The following NOL4 variants were observed in gnomAD, a reference collection of about 807,000 sequenced individuals.
NOL4 encodes the protein nucleolar protein 4.
A neutral mutation model predicts 75.9 loss-of-function variants in NOL4; 17 were observed. That is an observed-to-expected ratio of 0.22 (90% CI 0.15 to 0.34). The LOEUF (loss-of-function observed/expected upper bound fraction) is 0.34, where lower values mean the gene tolerates loss of function less well. Ranked by LOEUF, NOL4 falls within the 10% of genes least tolerant of loss-of-function variation. The pLI, the probability that NOL4 is intolerant of heterozygous loss-of-function variation, is 1.00. For synonymous variants in NOL4, 292 were observed against 289.9 expected (o/e 1.01, Z -0.07); for missense variants, 614 against 793.5 (o/e 0.77, Z 2.72).
intron 6 of NOL4, 110 bp from the exon 7 acceptor site, chr18:33,958,528 A>G (rs1159870024): frequency 2.3e-6 from 2 of 885,220 alleles, no homozygotes. Context: ...TTATGAGTTG[A>G]TAACTCTAGA....
chr18:33,922,879 C>G (rs1291608248), intron 9 of NOL4, among the ~76,000 whole-genome samples: 1 of 152,080 alleles, frequency 6.6e-6, no homozygotes, highest in Non-Finnish European at 1.5e-5. Flanking sequence ...ACTTTTGATT[C>G]TAAATATCGA....
At chr18:33,954,953 G>T in intron 8 of NOL4, among the ~76,000 whole-genome samples, 1 of 151,992 alleles carries the variant, frequency 6.6e-6, no homozygotes, top group East Asian at 1.9e-4. Context: ...TATAAATAAA[G>T]ATCTTAGAGA....
intron 6 of NOL4, among the ~76,000 whole-genome samples, chr18:33,982,324 CA>C (rs1375307188): frequency 1.3e-5 from 2 of 151,908 alleles, no homozygotes; most frequent in African/African-American, 2.4e-5. Flanking sequence ...AAGCCCAATT[CA>C]AATATAAATA....
At chr18:33,991,466 T>C (rs1391978386) in intron 6 of NOL4, among the ~76,000 whole-genome samples, 1 of 152,098 alleles carries the variant, frequency 6.6e-6, no homozygotes, top group African/African-American at 2.4e-5. Context: ...TCTTGTATAC[T>C]TGGTTTCTCT....
chr18:33,949,360 T>G (rs2069053318), intron 8 of NOL4, among the ~76,000 whole-genome samples: 1 of 152,084 alleles, frequency 6.6e-6, no homozygotes, highest in Non-Finnish European at 1.5e-5. Flanking sequence ...AATACTTTGT[T>G]TCCAATGACT....
chr18:34,010,559 T>C (rs2074314188), intron 6 of NOL4, among the ~76,000 whole-genome samples: 2 of 151,922 alleles, frequency 1.3e-5, no homozygotes, highest in Admixed American at 6.6e-5. Context: ...CCAGATTATT[T>C]ACAAATGCAT....
intron 1 of NOL4, among the ~76,000 whole-genome samples, chr18:34,141,821 G>A (rs1014129320): frequency 7.3e-5 from 11 of 151,636 alleles, no homozygotes; most frequent in African/African-American, 2.2e-4. Context: ...ACAAAAGCCA[G>A]AATTGACAAA....
chr18:34,094,800 T>C (rs4799743), intron 4 of NOL4, among the ~76,000 whole-genome samples: 129,038 of 152,126 alleles, frequency 0.85, 54,852 homozygotes, highest in East Asian at 0.96. Context: ...GAATTAGCTA[T>C]AAATTTGCAA....
At chr18:33,972,994 A>G (rs1054042970) in intron 6 of NOL4, among the ~76,000 whole-genome samples, 1 of 152,170 alleles carries the variant, frequency 6.6e-6, no homozygotes, top group Admixed American at 6.5e-5. Context: ...GGCCACATTC[A>G]TTGACTGTTC....
At chr18:33,942,385 G>A (rs575228997) in intron 9 of NOL4, among the ~76,000 whole-genome samples, 6 of 152,002 alleles carry the variant, frequency 3.9e-5, no homozygotes, top group South Asian at 2.1e-4. Flanking sequence ...TTTCTGGGAT[G>A]AGAAGGAGAA....
At chr18:34,034,682 G>A (rs1193647460) in intron 5 of NOL4, among the ~76,000 whole-genome samples, 1 of 152,124 alleles carries the variant, frequency 6.6e-6, no homozygotes, top group Non-Finnish European at 1.5e-5. Flanking sequence ...GGAGGTCACA[G>A]TGAGTGGAGA....
chr18:34,129,845 T>TC lies in NOL4; in HGVS notation c.414+25dup, dbSNP rs781043757. 9.9e-6 allele frequency: 15 copies of TC among 1,514,022 alleles called. No homozygotes were observed. The South Asian group carries it at 1.5e-4, about 15-fold the overall frequency. 93.8% of individuals were successfully genotyped at this position (1,514,022 alleles called of 1,614,324 possible). The stretch of plus-strand genomic sequence containing the variant: ...TAATATCAAGTCTCGAAATGCATGC[T>TC]CTTTTTTTTTTCTTTTTTAACTTAC... On this transcript the variant is annotated intron_variant, in intron 2 of 10. Transcript: ENST00000261592.
At chr18:34,104,342 T>A (rs996988141) in intron 3 of NOL4, among the ~76,000 whole-genome samples, 183 bp from the exon 4 acceptor site, 2 of 152,056 alleles carry the variant, frequency 1.3e-5, no homozygotes, top group Non-Finnish European at 2.9e-5. Flanking sequence ...GTATTGACAC[T>A]GTTTAACAGT....
intron 5 of NOL4, among the ~76,000 whole-genome samples, chr18:34,042,417 A>G (rs565020951): frequency 1.3e-5 from 2 of 152,042 alleles, no homozygotes; most frequent in Admixed American, 6.6e-5. Context: ...TCCTATCCCA[A>G]TTACAAATCC....
chr18:34,114,729 T>C (rs577095974), intron 2 of NOL4, among the ~76,000 whole-genome samples: 1 of 152,284 alleles, frequency 6.6e-6, no homozygotes, highest in African/African-American at 2.4e-5. Context: ...TGAATTGTCG[T>C]TGTTACACAG....
intron 10 of NOL4, among the ~76,000 whole-genome samples, chr18:33,866,121 G>A (rs2063416903): frequency 6.6e-6 from 1 of 152,094 alleles, no homozygotes; most frequent in Non-Finnish European, 1.5e-5. Context: ...GACAGCATTT[G>A]CAGGTTAAAT....
At position 34,216,415 on chromosome 18, in the gene NOL4, T is replaced by C. The variant is rs151289176; in HGVS notation, c.264+6575A>G. The stretch of plus-strand genomic sequence containing the variant: ...TCAATTGTATATAAAATTCAAAGAA[T>C]AGAGTGCATGGACCTACTTTAGGAA... On this transcript the variant is annotated intron_variant, in intron 1 of 10. Coordinates refer to ENST00000261592, the MANE Select transcript of NOL4 (RefSeq NM_003787.5). 1.7e-3 allele frequency among the ~76,000 whole-genome samples: 264 copies of C among 152,108 alleles called. 2 individuals are homozygous for C. The highest frequency in any genetic ancestry group is 6.2e-3 in the African/African-American group (257 of 41,530).
At chr18:34,080,080 A>T (rs1353607959) in intron 5 of NOL4, among the ~76,000 whole-genome samples, 1 of 152,206 alleles carries the variant, frequency 6.6e-6, no homozygotes, top group African/African-American at 2.4e-5. Context: ...AACAATTTAG[A>T]AGGCACGAGG....
rs574868126 is a variant in NOL4, at chr18:34,097,847, A to G, written c.640-4250T>C. Reference sequence around the variant, plus strand: ...ATAAATTTCTAGTCAAGTAATATAAATATATTTGAAAAGTTTTTAATAATT... The same window carrying G: ...ATAAATTTCTAGTCAAGTAATATAAGTATATTTGAAAAGTTTTTAATAATT... On this transcript the variant is annotated intron_variant, in intron 4 of 10. Transcript: ENST00000261592. Among the ~76,000 whole-genome samples, 9 of 152,288 alleles carry G rather than the reference A, an allele frequency of 5.9e-5. No homozygotes were observed. In the East Asian group the frequency reaches 1.2e-3, roughly 20 times the overall value.
Sources: gnomAD v4.1 joint callset for allele counts (sites outside exome capture counted in the v4.1 genomes callset) on GRCh38, gnomAD v4.1.1 for gene constraint, MANE v1.5 for transcripts, NCBI Gene and HGNC (gene_info 2026-07-23, HGNC 2026-07-21) for gene names.